The following NEDD4 variants were observed in gnomAD, a reference collection of about 807,000 sequenced individuals.
NEDD4 encodes the protein NEDD4 E3 ubiquitin protein ligase.
Under a neutral mutation model 144.9 loss-of-function variants are expected in NEDD4, and 99 were observed. The observed-to-expected ratio is 0.68, with a 90% CI of 0.58 to 0.81. The LOEUF (loss-of-function observed/expected upper bound fraction) is 0.81, where lower values mean the gene tolerates loss of function less well. NEDD4 is among the 30% of genes least tolerant of loss of function. The pLI, the probability that NEDD4 is intolerant of heterozygous loss-of-function variation, is 0.00. For missense variants in NEDD4, 985 were observed against 1,065.9 expected (o/e 0.92, Z 1.06); for synonymous variants, 318 against 350.6 (o/e 0.91, Z 1.04).
At chr15:55,946,022 A>C (rs1365597933) in intron 4 of NEDD4, among the ~76,000 whole-genome samples, 4 of 152,190 alleles carry the variant, frequency 2.6e-5, no homozygotes, top group African/African-American at 9.7e-5. Context: ...CATGGAAGGG[A>C]ACAACCAGTA....
intron 12 of NEDD4, among the ~76,000 whole-genome samples, chr15:55,854,996 C>T (rs373798130): frequency 6.6e-6 from 1 of 152,128 alleles, no homozygotes; most frequent in African/African-American, 2.4e-5. Context: ...TCAGCTTGAG[C>T]GGGCTCTGAT....
intron 1 of NEDD4, chr15:55,991,787 G>A (rs189142430): frequency 1.6e-4 from 25 of 152,250 alleles, no homozygotes; most frequent in Non-Finnish European, 3.4e-4. Flanking sequence ...GTTCCTTACC[G>A]ACCACCCATT....
intron 4 of NEDD4, among the ~76,000 whole-genome samples, chr15:55,927,396 G>C (rs866253072): frequency 6.6e-6 from 1 of 151,978 alleles, no homozygotes; most frequent in Non-Finnish European, 1.5e-5. Flanking sequence ...GTGCAACCAG[G>C]CTCAAGCAAT....
intron 2 of NEDD4, among the ~76,000 whole-genome samples, chr15:55,961,098 C>A (rs886538083): frequency 6.6e-6 from 1 of 152,206 alleles, no homozygotes; most frequent in Non-Finnish European, 1.5e-5. Context: ...AAACTGGACA[C>A]AGACAAGAGC....
At chr15:55,914,367 A>T (rs181516364) in intron 5 of NEDD4, among the ~76,000 whole-genome samples, 14 of 152,030 alleles carry the variant, frequency 9.2e-5, no homozygotes, top group Admixed American at 2.6e-4. Context: ...ACAGAAATTT[A>T]AAAAATCTAT....
chr15:55,860,488 A>G lies in NEDD4; in HGVS notation c.879T>C (p.Val293=). 6.2e-7 allele frequency: 1 copy of G among 1,614,164 alleles called. No homozygotes were observed. The highest frequency in any genetic ancestry group is 8.5e-7 in the Non-Finnish European group (1 of 1,180,020). Residue 293 remains valine, a synonymous_variant, in exon 11 of 29, where the codon GTT becomes GTC. Transcript: ENST00000435532. ...PSPPPSSNLD[V]PTHLAEELNA... ...TCAATTCTTCTGCAAGATGAGTTGG[A>G]ACATCCAAGTTACTTGACGGTGGAG... is the stretch of plus-strand genomic sequence containing the variant.
At chr15:55,907,978 T>G (rs1239049357) in intron 5 of NEDD4, among the ~76,000 whole-genome samples, 1 of 152,162 alleles carries the variant, frequency 6.6e-6, no homozygotes, top group African/African-American at 2.4e-5. Flanking sequence ...TCCATTGGCA[T>G]TCACCCCAGG....
intron 14 of NEDD4, among the ~76,000 whole-genome samples, chr15:55,849,375 C>T (rs1290085538): frequency 6.6e-6 from 1 of 152,102 alleles, no homozygotes; most frequent in Non-Finnish European, 1.5e-5. Context: ...CAGGCATGCA[C>T]CACCATGCCT....
chr15:55,867,545 A>G (rs1028185388), intron 8 of NEDD4, among the ~76,000 whole-genome samples: 1 of 152,190 alleles, frequency 6.6e-6, no homozygotes, highest in Non-Finnish European at 1.5e-5. Flanking sequence ...TTTACAGCAG[A>G]TATCCTTCAT....
intron 2 of NEDD4, among the ~76,000 whole-genome samples, chr15:55,954,443 T>A (rs942128674): frequency 1.3e-5 from 2 of 152,180 alleles, no homozygotes; most frequent in South Asian, 2.1e-4. Context: ...AAAATGTAAA[T>A]GTAATTATGT....
At chr15:55,890,049 G>T (rs1473920003) in intron 5 of NEDD4, among the ~76,000 whole-genome samples, 3 of 152,060 alleles carry the variant, frequency 2.0e-5, no homozygotes, top group African/African-American at 7.2e-5. Flanking sequence ...TCTACTGTTT[G>T]TAACAGAAAG....
intron 5 of NEDD4, among the ~76,000 whole-genome samples, chr15:55,877,880 T>A (rs2035048576): frequency 6.6e-6 from 1 of 152,170 alleles, no homozygotes; most frequent in South Asian, 2.1e-4. Flanking sequence ...ATATGGTCAT[T>A]GAGAGTCACT....
chr15:55,849,076 T>C (rs917268873), intron 14 of NEDD4, among the ~76,000 whole-genome samples, 190 bp from the exon 15 acceptor site: 3 of 152,180 alleles, frequency 2.0e-5, no homozygotes, highest in Non-Finnish European at 2.9e-5. Flanking sequence ...CAGGCTATAA[T>C]ATCAAAAGGA....
chr15:55,953,866 G>A (rs1181125193), intron 2 of NEDD4, among the ~76,000 whole-genome samples: 3 of 152,100 alleles, frequency 2.0e-5, no homozygotes, highest in African/African-American at 7.2e-5. Flanking sequence ...GACTACAGGC[G>A]CCTGCCACCA....
At chr15:55,926,838 G>C (rs2036677316) in intron 4 of NEDD4, among the ~76,000 whole-genome samples, 1 of 152,110 alleles carries the variant, frequency 6.6e-6, no homozygotes, top group Non-Finnish European at 1.5e-5. Flanking sequence ...CACTTAAGGA[G>C]GTCAAGGAAG....
chr15:55,831,984 AT>A (rs2032973635), intron 27 of NEDD4, among the ~76,000 whole-genome samples: 1 of 152,200 alleles, frequency 6.6e-6, no homozygotes, highest in Non-Finnish European at 1.5e-5. Context: ...TACATCAGAA[AT>A]GGCACTTTTA....
rs1595842296 is a variant in NEDD4 at position 55,916,621 on chromosome 15, T to C, written c.291+8025A>G. 2.5e-6 allele frequency: 4 copies of C among 1,614,052 alleles called. No homozygotes were observed. The highest frequency in any genetic ancestry group is 4.5e-5 in the East Asian group (2 of 44,884). On this transcript the variant is annotated intron_variant, in intron 5 of 28. Transcript: ENST00000435532. Reference sequence around the variant, plus strand: ...TTTTCAGATGAGGGAACAGATGATCTTTCTTGAGACTGAACGTTTTCCTTT... The same window carrying C: ...TTTTCAGATGAGGGAACAGATGATCCTTCTTGAGACTGAACGTTTTCCTTT...
chr15:55,978,136 AGC>A (rs1255948038), intron 1 of NEDD4, among the ~76,000 whole-genome samples: 1 of 152,206 alleles, frequency 6.6e-6, no homozygotes, highest in Non-Finnish European at 1.5e-5. Flanking sequence ...CATCCATGTT[AGC>A]CTCGACTGAA....
intron 1 of NEDD4, among the ~76,000 whole-genome samples, chr15:55,992,558 G>T (rs1309792607): frequency 3.9e-5 from 6 of 152,154 alleles, no homozygotes; most frequent in Non-Finnish European, 8.8e-5. Flanking sequence ...CAGCCAACAA[G>T]AAAGCAAAAA....
Sources: allele counts gnomAD v4.1 joint callset (sites outside exome capture counted in the v4.1 genomes callset), GRCh38; gene constraint gnomAD v4.1.1; transcripts MANE v1.5; gene names NCBI Gene and HGNC (gene_info 2026-07-23, HGNC 2026-07-21).